Variants in NEGR1 observed in about 807,000 individuals in gnomAD.
NEGR1 encodes IgLON family member 4.
Under a neutral mutation model 40.9 loss-of-function variants are expected in NEGR1, and 10 were observed. The ratio of observed to expected loss-of-function variants is 0.24; its 90% confidence interval spans 0.15 to 0.42. The LOEUF is 0.42. Among genes scored for constraint, NEGR1 ranks in the 10% least tolerant of loss-of-function variants. The pLI, the probability that NEGR1 is intolerant of heterozygous loss-of-function variation, is 1.00. For missense variants in NEGR1, 352 were observed against 438.9 expected, an observed-to-expected ratio of 0.80 and a Z score of 1.77; for synonymous variants, 185 against 166.8, an observed-to-expected ratio of 1.11 and a Z score of -0.84.
intron 3 of NEGR1, among the ~76,000 whole-genome samples, chr1:71,750,019 C>G (rs1219802083): frequency 7.6e-6 from 1 of 131,318 alleles, no homozygotes; most frequent in Non-Finnish European, 1.6e-5. Context: ...CGGAGTCTCG[C>G]TCTGTCGCCC....
chr1:72,090,697 A>G (rs1055312242), intron 1 of NEGR1, among the ~76,000 whole-genome samples: 1 of 152,098 alleles, frequency 6.6e-6, no homozygotes, highest in South Asian at 2.1e-4. Flanking sequence ...CTCTAGATTC[A>G]TGAAAATTAA....
At chr1:72,195,866 G>A (rs891343348) in intron 1 of NEGR1, among the ~76,000 whole-genome samples, 1 of 151,946 alleles carries the variant, frequency 6.6e-6, no homozygotes, top group Non-Finnish European at 1.5e-5. Context: ...AATTTTTCTT[G>A]TTGTTATTGT....
At chr1:72,166,006 T>C (rs1247207737) in intron 1 of NEGR1, among the ~76,000 whole-genome samples, 1 of 152,026 alleles carries the variant, frequency 6.6e-6, no homozygotes, top group Non-Finnish European at 1.5e-5. Context: ...AGAGTTTATA[T>C]AATAGGAAAG....
At chr1:72,044,213 T>C (rs1050119177) in intron 1 of NEGR1, among the ~76,000 whole-genome samples, 7 of 151,538 alleles carry the variant, frequency 4.6e-5, no homozygotes, top group East Asian at 1.9e-4. Context: ...TCATTAAGAC[T>C]TGATTACTGG....
At chr1:72,139,597 C>T (rs1263323580) in intron 1 of NEGR1, among the ~76,000 whole-genome samples, 1 of 151,940 alleles carries the variant, frequency 6.6e-6, no homozygotes, top group Admixed American at 6.6e-5. Flanking sequence ...AGGCAGACAA[C>T]CTGAATATCC....
At chr1:71,855,519 TG>T (rs1303923101) in intron 2 of NEGR1, among the ~76,000 whole-genome samples, 1 of 152,056 alleles carries the variant, frequency 6.6e-6, no homozygotes, top group Middle Eastern at 3.2e-3. Flanking sequence ...TATTGGCATT[TG>T]GAAGATGTTG....
intron 6 of NEGR1, among the ~76,000 whole-genome samples, chr1:71,511,315 G>A (rs1010167513): frequency 5.3e-5 from 8 of 152,144 alleles, no homozygotes; most frequent in Non-Finnish European, 1.2e-4. Flanking sequence ...TCTAATATTA[G>A]TTTCTCATGT....
intron 1 of NEGR1, among the ~76,000 whole-genome samples, chr1:72,036,283 A>C (rs1646901299): frequency 6.6e-6 from 1 of 152,042 alleles, no homozygotes; most frequent in Non-Finnish European, 1.5e-5. Context: ...GAAATATAAA[A>C]CCCCATGGGG....
intron 1 of NEGR1, among the ~76,000 whole-genome samples, chr1:71,967,405 T>C (rs1438955551): frequency 6.6e-6 from 1 of 152,080 alleles, no homozygotes; most frequent in Non-Finnish European, 1.5e-5. Context: ...CAGGCAACAG[T>C]GGATATAAAT....
Position 71,398,419 on chromosome 1 carries a change from G to A in NEGR1, c.*9027C>T. ...CCTCTTGCATCAGCATGACCTGGAT[G>A]TGAGAAATGGAGTCAAAGGAGATCA... On this transcript the variant is annotated 3_prime_UTR_variant, in exon 7 of 7. Transcript: ENST00000357731. The A allele has an allele frequency of 6.4e-6, 1 of 155,962 alleles. No homozygotes were observed. The highest frequency in any genetic ancestry group is 1.4e-5 in the Non-Finnish European group (1 of 71,078). 9.7% of individuals were successfully genotyped at this position (155,962 alleles called of 1,614,324 possible).
intron 2 of NEGR1, among the ~76,000 whole-genome samples, chr1:71,933,399 C>G (rs1645873378): frequency 6.6e-6 from 1 of 151,962 alleles, no homozygotes; most frequent in African/African-American, 2.4e-5. Context: ...AGAAATATAT[C>G]ATTTAAACCT....
intron 2 of NEGR1, among the ~76,000 whole-genome samples, chr1:71,930,067 G>A (rs1645840532): frequency 6.6e-6 from 1 of 152,054 alleles, no homozygotes; most frequent in Admixed American, 6.5e-5. Flanking sequence ...AGAAGGATAG[G>A]TTCTAAAATT....
rs1437074553 is a variant in NEGR1, at chr1:71,412,885, A to G, written c.941-5315T>C. 2.0e-5 allele frequency among the ~76,000 whole-genome samples: 3 copies of G among 152,212 alleles called. No individual in the cohort carries two copies. The East Asian group carries it at 5.8e-4, about 29-fold the overall frequency. On this transcript the variant is annotated intron_variant, in intron 6 of 6. Transcript: ENST00000357731. ...ATTTACCATTTTATTGAAAAAAAAG[A>G]GAAAATAAAATAGAGTATGTAAGGG... is the stretch of plus-strand genomic sequence containing the variant.
intron 1 of NEGR1, among the ~76,000 whole-genome samples, chr1:71,936,921 T>C (rs1450507604): frequency 3.3e-5 from 5 of 152,316 alleles, no homozygotes; most frequent in Non-Finnish European, 7.3e-5. Flanking sequence ...TGTTACAAAT[T>C]AAAGACTGGT....
At chr1:72,254,819 T>C (rs922210310) in intron 1 of NEGR1, among the ~76,000 whole-genome samples, 24 of 152,292 alleles carry the variant, frequency 1.6e-4, no homozygotes, top group African/African-American at 5.8e-4. Context: ...CAAGATAAGT[T>C]ATATCCATTC....
intron 6 of NEGR1, among the ~76,000 whole-genome samples, chr1:71,588,339 C>A (rs1649376711): frequency 6.6e-6 from 1 of 152,082 alleles, no homozygotes; most frequent in Non-Finnish European, 1.5e-5. Flanking sequence ...ATACTGTCAT[C>A]CATTATAAAT....
chr1:71,647,756 A>T (rs537131782), intron 4 of NEGR1, among the ~76,000 whole-genome samples: 1 of 152,034 alleles, frequency 6.6e-6, no homozygotes, highest in East Asian at 1.9e-4. Flanking sequence ...GAAAGAAACC[A>T]GGAATTGAAC....
chr1:71,701,591 C>T (rs1007829915), intron 3 of NEGR1, among the ~76,000 whole-genome samples: 1 of 151,998 alleles, frequency 6.6e-6, no homozygotes, highest in Non-Finnish European at 1.5e-5. Context: ...AGCTCCTAAC[C>T]TTAATCACAT....
intron 1 of NEGR1, among the ~76,000 whole-genome samples, chr1:72,221,047 A>G (rs1377987333): frequency 4.6e-5 from 7 of 152,060 alleles, no homozygotes; most frequent in Admixed American, 4.6e-4. Context: ...TAGAAATGTG[A>G]AATAAAGATG....
Sources: allele counts gnomAD v4.1 joint callset (sites outside exome capture counted in the v4.1 genomes callset), GRCh38; gene constraint gnomAD v4.1.1; transcripts MANE v1.5; gene names NCBI Gene and HGNC (gene_info 2026-07-23, HGNC 2026-07-21).